The following RHCE variants were observed in gnomAD, a reference collection of about 807,000 sequenced individuals.
RHCE encodes blood group Rh(CE) polypeptide.
A neutral mutation model predicts 43.8 loss-of-function variants in RHCE; 22 were observed. The ratio of observed to expected loss-of-function variants is 0.50; its 90% CI spans 0.36 to 0.72. The LOEUF (loss-of-function observed/expected upper bound fraction) is 0.72, where lower values mean the gene tolerates loss of function less well. RHCE is among the 30% of genes least tolerant of loss of function. RHCE has a pLI of 0.00. For missense variants in RHCE, 385 were observed against 525.4 expected (o/e 0.73, Z 2.61); for synonymous variants, 156 against 210.7 (o/e 0.74, Z 2.25).
At chr1:25,415,140 C>G (rs1364038728) in intron 1 of RHCE, among the ~76,000 whole-genome samples, 4 of 152,050 alleles carry the variant, frequency 2.6e-5, no homozygotes, top group Non-Finnish European at 5.9e-5. Context: ...AGTCTTAACT[C>G]CCCACTCTTT....
At chr1:25,369,895 C>T (rs1305620696) in intron 9 of RHCE, among the ~76,000 whole-genome samples, 3 of 151,144 alleles carry the variant, frequency 2.0e-5, no homozygotes, top group East Asian at 1.9e-4. Context: ...TGTGCTACCA[C>T]GCCCAGCTAA....
intron 7 of RHCE, among the ~76,000 whole-genome samples, chr1:25,379,477 A>AAAG (rs1271998556): frequency 7.4e-5 from 1 of 13,462 alleles, no homozygotes; most frequent in African/African-American, 2.2e-4. Context: ...ATATATATAT[A>AAAG]TATATATATA....
At chr1:25,391,499 T>TA (rs60496827) in intron 4 of RHCE, among the ~76,000 whole-genome samples, 8,546 of 151,796 alleles carry the variant, frequency 0.056, 748 homozygotes, top group African/African-American at 0.19. Flanking sequence ...AACGCTTATT[T>TA]TTTTTTTTTT....
In RHCE at chr1:25,376,681, G is replaced by A. The variant is rs1360675042; in HGVS notation, c.1074-1253C>T. On this transcript the variant is annotated intron_variant, in intron 7 of 9. Coordinates refer to ENST00000294413, the MANE Select transcript of RHCE (RefSeq NM_020485.8). Reference sequence around the variant, plus strand: ...TGTAATCCCCGCACTTTGGGAGGCCGAGGCGGGTGGATCATGAGGTCAGGA... The same window carrying A: ...TGTAATCCCCGCACTTTGGGAGGCCAAGGCGGGTGGATCATGAGGTCAGGA... Among the ~76,000 whole-genome samples the A allele has an allele frequency of 3.3e-5, 5 of 152,160 alleles. No homozygotes were observed. The South Asian group carries it at 8.3e-4, about 25-fold the overall frequency.
chr1:25,376,634 G>C (rs1645794891), intron 7 of RHCE, among the ~76,000 whole-genome samples: 1 of 152,156 alleles, frequency 6.6e-6, no homozygotes. Context: ...ATAAATTAAG[G>C]CCGGGTGTGG....
chr1:25,393,287 G>T (rs1646436948), intron 3 of RHCE, among the ~76,000 whole-genome samples: 1 of 152,060 alleles, frequency 6.6e-6, no homozygotes, highest in African/African-American at 2.4e-5. Context: ...TTGTCTTCCT[G>T]CGGACTGTTC....
intron 1 of RHCE, among the ~76,000 whole-genome samples, chr1:25,414,242 GGC>G (rs1557642196): frequency 3.3e-5 from 5 of 151,688 alleles, no homozygotes; most frequent in Admixed American, 3.3e-4. Flanking sequence ...CATCCCCTTG[GGC>G]AGCTGCCTCC....
intron 7 of RHCE, among the ~76,000 whole-genome samples, chr1:25,382,672 C>T (rs1346420360): frequency 6.6e-6 from 1 of 152,088 alleles, no homozygotes; most frequent in Non-Finnish European, 1.5e-5. Flanking sequence ...ATTAATGTCC[C>T]TATTTCACAG....
intron 1 of RHCE, among the ~76,000 whole-genome samples, chr1:25,412,129 GAACT>G (rs753569928): frequency 6.6e-6 from 1 of 152,236 alleles, no homozygotes; most frequent in Non-Finnish European, 1.5e-5. Context: ...GTTCAGCAGT[GAACT>G]AACTACCAGG....
intron 9 of RHCE, 56 bp from the exon 10 acceptor site, chr1:25,362,609 C>T (rs914028916): frequency 8.2e-6 from 10 of 1,212,138 alleles, no homozygotes; most frequent in Non-Finnish European, 1.1e-5. Flanking sequence ...CTGATTTTGG[C>T]TTGATCTCTT....
At chr1:25,423,155 A>G (rs2042779826), upstream of RHCE, among the ~76,000 whole-genome samples, 1 of 152,164 alleles carries the variant, frequency 6.6e-6, no homozygotes, top group African/African-American at 2.4e-5. Flanking sequence ...CAGAGGTCAG[A>G]AGTCTCCATT....
chr1:25,390,366 A>T (rs1309651689), intron 5 of RHCE, among the ~76,000 whole-genome samples: 1 of 152,056 alleles, frequency 6.6e-6, no homozygotes, highest in African/African-American at 2.4e-5. Flanking sequence ...TCTGATTCTG[A>T]TGGTTCCATT....
At chr1:25,415,927 A>G (rs893134251) in intron 1 of RHCE, among the ~76,000 whole-genome samples, 4 of 151,906 alleles carry the variant, frequency 2.6e-5, no homozygotes, top group African/African-American at 9.7e-5. Context: ...AGAGCTTCTG[A>G]TCAGTAGGTC....
At chr1:25,412,714 TTAAAAAAAAA>T (rs1286699160) in intron 1 of RHCE, among the ~76,000 whole-genome samples, 3 of 100,420 alleles carry the variant, frequency 3.0e-5, no homozygotes, top group Admixed American at 1.0e-4. Context: ...GACCCTTTTT[TTAAAAAAAAA>T]AAAAAAAAAA....
rs1201743248 is a variant in RHCE, at chr1:25,385,733, T to A, written c.1051A>T (p.Thr351Ser). Reference sequence around the variant, plus strand: ...CACATGCCATTGCCGTTCCAGACAGTATGAAGCACCAGCAGCACAATGTAG... The same window carrying A: ...CACATGCCATTGCCGTTCCAGACAGAATGAAGCACCAGCAGCACAATGTAG... ...ITYIVLLVLH[T>S]VWNGNGMIGF... The change falls in exon 7 of 10, where the codon ACT becomes TCT. Residue 351 changes from threonine (T) to serine (S), a missense_variant. Thr to Ser is a moderately conservative substitution (Grantham distance 58). Coordinates refer to ENST00000294413, the MANE Select transcript of RHCE (RefSeq NM_020485.8). 6.2e-7 allele frequency: 1 copy of A among 1,613,814 alleles called. No homozygotes were observed. Among genetic ancestry groups the A allele is most frequent in the Admixed American group, 1.7e-5 (1 of 59,972 alleles).
intron 7 of RHCE, among the ~76,000 whole-genome samples, chr1:25,375,719 C>T (rs1290910109): frequency 1.4e-5 from 2 of 147,214 alleles, no homozygotes; most frequent in African/African-American, 2.7e-5. Flanking sequence ...AGTCCCAGCT[C>T]TGTCACTTAC....
Position 25,411,236 on chromosome 1 carries a change from C to T in RHCE, c.149-2367G>A, listed in dbSNP as rs548894199. 131 of 1,412,122 alleles carry T rather than the reference C, an allele frequency of 9.3e-5. 1 individual carries two copies. In the South Asian group the frequency reaches 1.1e-3, roughly 12 times the overall value. The allele number at this position is 1,412,122 out of a possible 1,614,324, so 87.5% of individuals were successfully genotyped here. A position where few individuals can be genotyped will look rare whatever the true frequency, so the allele number is the denominator to read the frequency against. Reference sequence around the variant, plus strand: ...CCACCTGAGAGGTTTCTGGGACATCCGAAGGAAATAATGTTTAGTACAGTG... The same window carrying T: ...CCACCTGAGAGGTTTCTGGGACATCTGAAGGAAATAATGTTTAGTACAGTG... On this transcript the variant is annotated intron_variant, in intron 1 of 9. Transcript: ENST00000294413.
At chr1:25,367,925 T>C (rs1645475344) in intron 9 of RHCE, among the ~76,000 whole-genome samples, 1 of 150,202 alleles carries the variant, frequency 6.7e-6, no homozygotes, top group South Asian at 2.1e-4. Flanking sequence ...CAGTGAGTCA[T>C]GATGGTGCCA....
At chr1:25,379,211 G>A (rs1645880217) in intron 7 of RHCE, among the ~76,000 whole-genome samples, 1 of 151,830 alleles carries the variant, frequency 6.6e-6, no homozygotes, top group African/African-American at 2.4e-5. Flanking sequence ...GAGCATGTCA[G>A]CTCAGGTCTC....
Sources: gnomAD v4.1 joint callset for allele counts (sites outside exome capture counted in the v4.1 genomes callset) on GRCh38, gnomAD v4.1.1 for gene constraint, MANE v1.5 for transcripts, NCBI Gene and HGNC (gene_info 2026-07-23, HGNC 2026-07-21) for gene names.